The following SYNE2 variants were observed in gnomAD, a reference collection of about 807,000 sequenced individuals.
SYNE2 encodes spectrin repeat containing nuclear envelope protein 2, also known as nesprin-2.
SYNE2 carries 431 observed loss-of-function variants against 856.3 expected under a neutral mutation model. That is an observed-to-expected ratio of 0.50 (90% CI 0.47 to 0.55). The LOEUF (loss-of-function observed/expected upper bound fraction) is 0.55. SYNE2 is among the 20% of genes least tolerant of loss of function. The pLI, the probability that SYNE2 is intolerant of heterozygous loss-of-function variation, is 0.00. For synonymous variants in SYNE2, 2,923 were observed against 2,872.3 expected, an observed-to-expected ratio of 1.02 and a Z score of -0.56; for missense variants, 8,129 against 8,023.2, an observed-to-expected ratio of 1.01 and a Z score of -0.50.
intron 110 of SYNE2, 145 bp downstream of exon 110, chr14:64,219,555 TC>T: frequency 1.2e-6 from 1 of 828,974 alleles, no homozygotes; most frequent in Non-Finnish European, 2.0e-6. Context: ...CCATTTCAGT[TC>T]CATAGTTGGC....
intron 66 of SYNE2, among the ~76,000 whole-genome samples, chr14:64,116,270 CAT>C (rs1017016387): frequency 1.4e-4 from 21 of 151,958 alleles, no homozygotes; most frequent in Non-Finnish European, 2.4e-4. Flanking sequence ...TTATTAAAGA[CAT>C]AAATTAAAAC....
At chr14:64,218,538 CAG>C in intron 109 of SYNE2, 26 bp downstream of exon 109, 1 of 1,600,320 alleles carries the variant, frequency 6.2e-7, no homozygotes, top group South Asian at 1.1e-5. Context: ...GGCAGTCGTC[CAG>C]AGAGGCAGAG....
intron 45 of SYNE2, among the ~76,000 whole-genome samples, chr14:64,032,208 G>A (rs1178665335): frequency 6.6e-6 from 1 of 152,154 alleles, no homozygotes; most frequent in Non-Finnish European, 1.5e-5. Context: ...GTAAAACAAT[G>A]TGAAATGCCT....
intron 11 of SYNE2, among the ~76,000 whole-genome samples, chr14:63,970,404 G>C (rs527619622): frequency 6.6e-6 from 1 of 152,194 alleles, no homozygotes; most frequent in South Asian, 2.1e-4. Context: ...GCCCATACTG[G>C]TCATGAACTC....
chr14:63,778,953 C>G (rs1304518228), intron 1 of SYNE2, among the ~76,000 whole-genome samples: 1 of 151,828 alleles, frequency 6.6e-6, no homozygotes, highest in Non-Finnish European at 1.5e-5. Context: ...AGCCACTGTG[C>G]CCAGCCTATA....
In SYNE2 at chr14:64,056,037, A is replaced by G. The variant is rs780009240; in HGVS notation, c.9838A>G (p.Ile3280Val). 1.2e-6 allele frequency: 2 copies of G among 1,614,170 alleles called. No individual in the cohort carries two copies. Among genetic ancestry groups the G allele is most frequent in the Non-Finnish European group, 8.5e-7 (1 of 1,180,000 alleles). Residue 3280 changes from isoleucine to valine, a missense_variant, in exon 49 of 116, where the codon ATA (isoleucine) becomes GTA (valine). Transcript: ENST00000555002. ...CATCACTTCCCTCGAAGCCATCATTATACCCTACAGAGTAGATGTTGGTAA... is the reference window on the plus strand; with the variant it reads ...CATCACTTCCCTCGAAGCCATCATTGTACCCTACAGAGTAGATGTTGGTAA... The part of the protein sequence containing the change: ...ESITSLEAII[I>V]PYRVDVGNPE...
chr14:63,855,190 G>C (rs1168412250), intron 1 of SYNE2, among the ~76,000 whole-genome samples: 3 of 152,020 alleles, frequency 2.0e-5, no homozygotes, highest in African/African-American at 7.3e-5. Context: ...GCTGGGTGTT[G>C]GGGCGATAGT....
At chr14:63,869,636 CAAAA>C (rs35258750) in intron 1 of SYNE2, among the ~76,000 whole-genome samples, 2 of 77,428 alleles carry the variant, frequency 2.6e-5, no homozygotes, top group South Asian at 5.8e-4. Flanking sequence ...AACTTTGTCT[CAAAA>C]AAAAAAAAAA....
chr14:63,920,512 A>G (rs1472942063), intron 2 of SYNE2, among the ~76,000 whole-genome samples: 1 of 150,890 alleles, frequency 6.6e-6, no homozygotes, highest in Admixed American at 6.7e-5. Context: ...TCATATAAAC[A>G]TATAGGGGTC....
chr14:64,202,363 C>T, intron 99 of SYNE2: 2 of 696,390 alleles, frequency 2.9e-6, no homozygotes, highest in East Asian at 5.4e-5. Flanking sequence ...CGTGTAACAT[C>T]TTTAATCTCC....
rs2096586403 is a variant in SYNE2 at position 63,981,647 on chromosome 14, T to C, written c.1836+474T>C. Among the ~76,000 whole-genome samples, 3 of 152,260 alleles carry C rather than the reference T, an allele frequency of 2.0e-5. No individual in the cohort carries two copies. The South Asian group carries it at 6.2e-4, about 32-fold the overall frequency. ...AGATACCGTAACTTATGTGTAGAGGTGTGGAAGAACTGTCAATGTAATTCA... is the reference window on the plus strand; with the variant it reads ...AGATACCGTAACTTATGTGTAGAGGCGTGGAAGAACTGTCAATGTAATTCA... On this transcript the variant is annotated intron_variant, in intron 16 of 115. Transcript: ENST00000555002.
At chr14:63,780,449 G>A (rs1255046951) in intron 1 of SYNE2, among the ~76,000 whole-genome samples, 1 of 152,076 alleles carries the variant, frequency 6.6e-6, no homozygotes, top group Non-Finnish European at 1.5e-5. Context: ...CAGGAGAATC[G>A]CTTGAACCAG....
intron 2 of SYNE2, among the ~76,000 whole-genome samples, chr14:63,931,932 G>A (rs925072062): frequency 2.0e-5 from 3 of 152,210 alleles, no homozygotes; most frequent in Non-Finnish European, 4.4e-5. Flanking sequence ...TCTAAGATTA[G>A]CTTTTAATTT....
rs749018683 is a variant in SYNE2 at position 64,216,273 on chromosome 14, G to A, written c.19428G>A (p.Ser6476=). ...GTAAATCCATTTCGGATGGCCACTC[G>A]TGGCATGTTCCCGACAGCCCTTCCT... is the stretch of plus-strand genomic sequence containing the variant. ...SSGKSISDGH[S]WHVPDSPSCP... Residue 6476 remains serine, a synonymous_variant, in exon 108 of 116, where the codon TCG becomes TCA. Transcript: ENST00000555002. 26 of 1,614,014 alleles carry A rather than the reference G, an allele frequency of 1.6e-5. No individual in the cohort carries two copies. Among genetic ancestry groups the A allele is most frequent in the Admixed American group, 5.0e-5 (3 of 59,992 alleles).
In SYNE2 at chr14:64,025,185, A is replaced by T; in HGVS notation, c.6016A>T (p.Thr2006Ser). Residue 2006 changes from threonine (T) to serine (S), a missense_variant, in exon 41 of 116, where the codon ACT becomes TCT. This residue lies in a region of SYNE2 where 2,422 missense variants were observed against 2,357.4 expected (regional missense o/e 1.03). Transcript: ENST00000555002. Reference sequence around the variant, plus strand: ...CAACTCTTTGAAGGAATATGGGTTTACTGAAGAAGAAGAAATAATAATGGA... The same window carrying T: ...CAACTCTTTGAAGGAATATGGGTTTTCTGAAGAAGAAGAAATAATAATGGA... ...LNNSLKEYGF[T>S]EEEEIIMEAT... The T allele has an allele frequency of 6.2e-7, 1 of 1,614,162 alleles. No homozygotes were observed. Among genetic ancestry groups the T allele is most frequent in the Non-Finnish European group, 8.5e-7 (1 of 1,180,004 alleles).
intron 66 of SYNE2, among the ~76,000 whole-genome samples, chr14:64,113,925 A>G (rs61984147): frequency 0.023 from 3,448 of 152,276 alleles, 47 homozygotes; most frequent in African/African-American, 0.037. Context: ...GGATTTAAAT[A>G]AGGTATTTAA....
At chr14:64,010,900 A>G (rs916837310) in intron 32 of SYNE2, among the ~76,000 whole-genome samples, 14 of 152,240 alleles carry the variant, frequency 9.2e-5, no homozygotes, top group Middle Eastern at 6.8e-3. Flanking sequence ...CTGCTTCCCA[A>G]ATTGCTGGGT....
intron 94 of SYNE2, 129 bp downstream of exon 94, chr14:64,170,591 C>G (rs1403801097): frequency 2.1e-6 from 2 of 947,234 alleles, no homozygotes; most frequent in African/African-American, 3.2e-5. Flanking sequence ...GTGAGGCCAG[C>G]AAGGTGCAGT....
chr14:64,148,767 C>T (rs1777190183), intron 84 of SYNE2, among the ~76,000 whole-genome samples: 1 of 152,066 alleles, frequency 6.6e-6, no homozygotes, highest in Admixed American at 6.6e-5. Context: ...CCCTAGCACC[C>T]CATGTAGCAT....
Sources: allele counts gnomAD v4.1 joint callset (sites outside exome capture counted in the v4.1 genomes callset), GRCh38; gene constraint gnomAD v4.1.1; regional missense constraint gnomAD v4.1.1; transcripts MANE v1.5; gene names NCBI Gene and HGNC (gene_info 2026-07-23, HGNC 2026-07-21).